Variants in PCDH15 observed in about 807,000 individuals in gnomAD.
The protein encoded by PCDH15 is protocadherin related 15, also known as protocadherin-15.
PCDH15 carries 129 observed loss-of-function variants against 178.5 expected under a neutral mutation model. That is an observed-to-expected ratio of 0.72 (90% CI 0.63 to 0.84). PCDH15 has a LOEUF of 0.84. Among genes scored for constraint, PCDH15 ranks in the 40% least tolerant of loss-of-function variants. The pLI, the probability that PCDH15 is intolerant of heterozygous loss-of-function variation, is 0.00. For synonymous variants in PCDH15, 800 were observed against 732.0 expected, an observed-to-expected ratio of 1.09 and a Z score of -1.50; for missense variants, 2,230 against 2,099.9, an observed-to-expected ratio of 1.06 and a Z score of -1.21.
intron 1 of PCDH15, among the ~76,000 whole-genome samples, chr10:55,198,110 T>C (rs1305097748): frequency 6.6e-6 from 1 of 152,130 alleles, no homozygotes; most frequent in Admixed American, 6.5e-5. Context: ...CTGCAAATCA[T>C]GGTTGGTTAT....
At chr10:54,258,461 G>A (rs930272345) in intron 8 of PCDH15, among the ~76,000 whole-genome samples, 3 of 152,122 alleles carry the variant, frequency 2.0e-5, no homozygotes, top group East Asian at 1.9e-4. Flanking sequence ...TGATTGCTTC[G>A]ACTGGAGAAA....
intron 2 of PCDH15, among the ~76,000 whole-genome samples, chr10:55,603,432 C>A (rs1205052705): frequency 6.6e-6 from 1 of 151,584 alleles, no homozygotes; most frequent in Non-Finnish European, 1.5e-5. Flanking sequence ...AACTCCAAGA[C>A]ACATAATTGT....
At chr10:54,999,478 G>A (rs1591827720) in intron 2 of PCDH15, among the ~76,000 whole-genome samples, 2 of 152,272 alleles carry the variant, frequency 1.3e-5, no homozygotes, top group Admixed American at 6.5e-5. Flanking sequence ...AAACTGATAT[G>A]GTTACAAAGT....
chr10:54,720,096 G>T (rs1941331691), intron 1 of PCDH15, among the ~76,000 whole-genome samples: 1 of 151,788 alleles, frequency 6.6e-6, no homozygotes, highest in African/African-American at 2.4e-5. Context: ...ACTCTTGGTG[G>T]GTATGTAAAT....
intron 13 of PCDH15, among the ~76,000 whole-genome samples, chr10:54,155,055 A>G (rs986822588): frequency 1.3e-5 from 2 of 152,198 alleles, no homozygotes; most frequent in African/African-American, 4.8e-5. Flanking sequence ...GTCTCAGGAA[A>G]TCTTAATTAA....
chr10:55,202,506 G>A (rs534582296), intron 1 of PCDH15, among the ~76,000 whole-genome samples: 13 of 152,140 alleles, frequency 8.5e-5, no homozygotes, highest in African/African-American at 2.7e-4. Flanking sequence ...ATGCTGGAGC[G>A]GAACACTGCA....
chr10:55,067,618 T>A (rs1300555240), intron 2 of PCDH15, among the ~76,000 whole-genome samples: 1 of 145,828 alleles, frequency 6.9e-6, no homozygotes, highest in Non-Finnish European at 1.5e-5. Flanking sequence ...GCGGAATTGC[T>A]GGATAATGTG....
At chr10:55,329,758 A>G (rs1181766008) in intron 2 of PCDH15, among the ~76,000 whole-genome samples, 1 of 151,800 alleles carries the variant, frequency 6.6e-6, no homozygotes, top group East Asian at 1.9e-4. Context: ...TTCTAAGAAT[A>G]TATGATTAAA....
rs577242663 is a variant in PCDH15 at position 55,625,324 on chromosome 10, A to G, written c.-156+2301T>C. Among the ~76,000 whole-genome samples the G allele has an allele frequency of 1.1e-4, 17 of 152,270 alleles. No homozygotes were observed. The East Asian group carries it at 3.3e-3, about 29-fold the overall frequency. On this transcript the variant is annotated intron_variant, in intron 2 of 5. Coordinates refer to the PCDH15 transcript ENST00000613346. ...AATAATGGCATTGATAGAAGAAAAC[A>G]AGAAAATTTCAAAAAGATAAATACT... is the stretch of plus-strand genomic sequence containing the variant.
chr10:55,287,370 A>G (rs1440679540), intron 1 of PCDH15, among the ~76,000 whole-genome samples: 1 of 152,084 alleles, frequency 6.6e-6, no homozygotes, highest in Non-Finnish European at 1.5e-5. Context: ...ATTAATGAAT[A>G]AATCATTAAA....
chr10:54,398,917 A>C (rs1386419160), intron 3 of PCDH15, among the ~76,000 whole-genome samples: 1 of 152,096 alleles, frequency 6.6e-6, no homozygotes, highest in African/African-American at 2.4e-5. Context: ...AAATAATGTA[A>C]ATGGCCGACA....
chr10:53,940,915 A>G lies in PCDH15; in HGVS notation c.3183T>C (p.Ala1061=). The change falls in exon 24 of 38, where the codon GCT becomes GCC. Residue 1061 remains alanine (A), a synonymous_variant. Transcript: ENST00000644397. ...KGTMVGVISA[A]AINQSIVYSI... is the part of the protein sequence containing the mutation. ...AGTACACAATACTTTGATTAATGGC[A>G]GCAGCAGAAATTACACCAACCATGG... 6.2e-7 allele frequency: 1 copy of G among 1,613,798 alleles called. No individual in the cohort carries two copies. Among genetic ancestry groups the G allele is most frequent in the Non-Finnish European group, 8.5e-7 (1 of 1,179,726 alleles).
At chr10:54,070,983 T>A (rs186926231) in intron 17 of PCDH15, among the ~76,000 whole-genome samples, 5 of 152,260 alleles carry the variant, frequency 3.3e-5, no homozygotes, top group African/African-American at 9.6e-5. Flanking sequence ...TGTAAATTCA[T>A]CTATCAATAC....
chr10:55,347,526 T>G (rs1844796027), intron 2 of PCDH15, among the ~76,000 whole-genome samples: 1 of 152,188 alleles, frequency 6.6e-6, no homozygotes, highest in Non-Finnish European at 1.5e-5. Flanking sequence ...ATTTAATTCT[T>G]TTTAGGACAA....
At chr10:55,583,726 G>A (rs956976793) in intron 2 of PCDH15, among the ~76,000 whole-genome samples, 1 of 152,014 alleles carries the variant, frequency 6.6e-6, no homozygotes, top group Non-Finnish European at 1.5e-5. Flanking sequence ...AAGCCACTGT[G>A]CCTGGCCAAC....
intron 1 of PCDH15, among the ~76,000 whole-genome samples, chr10:55,286,640 T>C (rs577338619): frequency 6.6e-6 from 1 of 151,912 alleles, no homozygotes; most frequent in Admixed American, 6.6e-5. Context: ...TTTACACAGA[T>C]GTATTTTAAA....
chr10:55,192,985 C>CTTT (rs5785122), intron 1 of PCDH15, among the ~76,000 whole-genome samples: 3 of 132,460 alleles, frequency 2.3e-5, no homozygotes, highest in East Asian at 2.2e-4. Flanking sequence ...TTCAAAATGG[C>CTTT]TTTTTTTTTT....
intron 1 of PCDH15, among the ~76,000 whole-genome samples, chr10:55,312,496 G>GCTTT (rs1265567196): frequency 6.6e-6 from 1 of 152,004 alleles, no homozygotes; most frequent in Non-Finnish European, 1.5e-5. Context: ...AATAAGTGTA[G>GCTTT]CTTGCTGTGT....
At chr10:54,502,710 A>G (rs2080809033) in intron 3 of PCDH15, among the ~76,000 whole-genome samples, 1 of 152,102 alleles carries the variant, frequency 6.6e-6, no homozygotes. Flanking sequence ...AATTTTATAA[A>G]TAATAAAAGT....
Sources: gnomAD v4.1 joint callset for allele counts (sites outside exome capture counted in the v4.1 genomes callset) on GRCh38, gnomAD v4.1.1 for gene constraint, MANE v1.5 for transcripts, NCBI Gene and HGNC (gene_info 2026-07-23, HGNC 2026-07-21) for gene names.